Variants in GADL1 observed in about 807,000 individuals in gnomAD.
GADL1 encodes GAD like acidic amino acid decarboxylase 1.
A neutral mutation model predicts 69.5 loss-of-function variants in GADL1; 71 were observed. The ratio of observed to expected loss-of-function variants is 1.02; its 90% CI spans 0.84 to 1.25. GADL1 has a LOEUF of 1.25. GADL1 is among the 50% of genes most tolerant of loss of function. GADL1 has a pLI of 0.00. For missense variants in GADL1, 737 were observed against 631.8 expected (o/e 1.17, Z -1.79); for synonymous variants, 254 against 214.4 (o/e 1.18, Z -1.62).
intron 14 of GADL1, among the ~76,000 whole-genome samples, chr3:30,755,795 G>A (rs1695955128): frequency 6.7e-6 from 1 of 149,502 alleles, no homozygotes; most frequent in African/African-American, 2.5e-5. Context: ...GTTGTGATTA[G>A]AAAAAGATTT....
chr3:30,872,801 C>G (rs552348837), intron 1 of GADL1, among the ~76,000 whole-genome samples: 72 of 152,048 alleles, frequency 4.7e-4, no homozygotes, highest in African/African-American at 1.7e-3. Context: ...ATTCTGCACT[C>G]TGTGAAACTA....
intron 14 of GADL1, among the ~76,000 whole-genome samples, chr3:30,777,405 G>A (rs1696562497): frequency 6.6e-6 from 1 of 152,114 alleles, no homozygotes; most frequent in South Asian, 2.1e-4. Context: ...TAAGAACTTG[G>A]ACTCTACATG....
At chr3:30,795,795 G>T (rs1215637224) in intron 12 of GADL1, among the ~76,000 whole-genome samples, 1 of 152,088 alleles carries the variant, frequency 6.6e-6, no homozygotes, top group African/African-American at 2.4e-5. Flanking sequence ...CCTTGGCATT[G>T]GAGGTAGACT....
intron 11 of GADL1, among the ~76,000 whole-genome samples, chr3:30,820,002 T>A (rs1226013808): frequency 3.3e-5 from 5 of 151,960 alleles, no homozygotes; most frequent in Non-Finnish European, 7.4e-5. Context: ...ATGCCTGTTA[T>A]TGAAATTATT....
intron 9 of GADL1, among the ~76,000 whole-genome samples, chr3:30,837,339 A>G (rs576826034): frequency 6.6e-6 from 1 of 152,200 alleles, no homozygotes; most frequent in Admixed American, 6.5e-5. Context: ...CACAATACTA[A>G]AGGATGGGTA....
chr3:30,863,674 C>T (rs1698355174), intron 1 of GADL1, among the ~76,000 whole-genome samples: 1 of 151,746 alleles, frequency 6.6e-6, no homozygotes, highest in Non-Finnish European at 1.5e-5. Context: ...ACAGTATCTT[C>T]TATTTTAAAT....
chr3:30,801,224 G>C, intron 11 of GADL1, 136 bp from the exon 12 acceptor site: 1 of 652,724 alleles, frequency 1.5e-6, no homozygotes, highest in Admixed American at 2.5e-5. Context: ...CCTTACATCA[G>C]ACACAATCAG....
chr3:30,816,260 G>A (rs977267563), intron 11 of GADL1, among the ~76,000 whole-genome samples: 4 of 152,072 alleles, frequency 2.6e-5, no homozygotes, highest in Non-Finnish European at 4.4e-5. Flanking sequence ...GTTGAGGCTT[G>A]AGCCTCAACT....
chr3:30,775,309 CAG>C (rs563900044), intron 14 of GADL1, among the ~76,000 whole-genome samples: 4 of 152,322 alleles, frequency 2.6e-5, no homozygotes, highest in South Asian at 2.1e-4. Flanking sequence ...TAGTCTGAAT[CAG>C]AGGGGCAAAG....
At chr3:30,744,670 C>T (rs1394349909) in intron 14 of GADL1, among the ~76,000 whole-genome samples, 1 of 152,046 alleles carries the variant, frequency 6.6e-6, no homozygotes, top group African/African-American at 2.4e-5. Flanking sequence ...GCCATGATCA[C>T]ACCACCGCAC....
chr3:30,878,446 T>C (rs1347884589), intron 1 of GADL1, among the ~76,000 whole-genome samples: 2 of 151,906 alleles, frequency 1.3e-5, no homozygotes, highest in Non-Finnish European at 2.9e-5. Context: ...AGAAATGCAA[T>C]TTTAACTGAA....
intron 12 of GADL1, among the ~76,000 whole-genome samples, chr3:30,792,481 G>A (rs1464626931): frequency 6.6e-6 from 1 of 152,150 alleles, no homozygotes; most frequent in African/African-American, 2.4e-5. Context: ...GCTGAGGTAG[G>A]AAGGAGGATC....
intron 9 of GADL1, 83 bp downstream of exon 9, chr3:30,838,914 A>C: frequency 1.3e-6 from 1 of 757,696 alleles, no homozygotes; most frequent in Non-Finnish European, 2.2e-6. Context: ...CTCCACATCT[A>C]GTTTCTGAGA....
intron 14 of GADL1, among the ~76,000 whole-genome samples, chr3:30,763,280 C>G (rs930168488): frequency 6.6e-6 from 1 of 152,062 alleles, no homozygotes. Context: ...TGGTGGATCA[C>G]AAGGTCAGGA....
At chr3:30,853,022 A>C (rs923999735) in intron 4 of GADL1, among the ~76,000 whole-genome samples, 5 of 152,128 alleles carry the variant, frequency 3.3e-5, no homozygotes, top group African/African-American at 1.2e-4. Flanking sequence ...TTAGGCTCTT[A>C]GTTGAATATT....
rs373249767 is a variant in GADL1, at chr3:30,839,158, A to T, written c.787-45T>A. 8.6e-6 allele frequency: 11 copies of T among 1,275,948 alleles called. No homozygotes were observed. In the Admixed American group the frequency reaches 9.9e-5, roughly 12 times the overall value. 79.0% of individuals were successfully genotyped at this position (1,275,948 alleles called of 1,614,324 possible). ...ACACAAAATTATCACTGTCATCACT[A>T]AATTTGTCCTGTAATAGCTGGAAAA... On this transcript the variant is annotated intron_variant, in intron 8 of 14. Transcript: ENST00000282538.
At chr3:30,852,649 A>G (rs973217091) in intron 4 of GADL1, among the ~76,000 whole-genome samples, 1 of 152,176 alleles carries the variant, frequency 6.6e-6, no homozygotes, top group Middle Eastern at 3.4e-3. Context: ...ATAATAAAAA[A>G]AAAAAGTATT....
intron 11 of GADL1, among the ~76,000 whole-genome samples, chr3:30,807,812 A>G (rs1176838701): frequency 6.6e-6 from 1 of 152,056 alleles, no homozygotes; most frequent in African/African-American, 2.4e-5. Flanking sequence ...CGGGCAGATC[A>G]CTGGAGGTCA....
At chr3:30,744,721 A>G (rs1559484938) in intron 14 of GADL1, among the ~76,000 whole-genome samples, 2 of 152,178 alleles carry the variant, frequency 1.3e-5, no homozygotes, top group African/African-American at 4.8e-5. Flanking sequence ...CTCCAAAAAG[A>G]AAAGAAAAAG....
Sources: gnomAD v4.1 joint callset for allele counts (sites outside exome capture counted in the v4.1 genomes callset) on GRCh38, gnomAD v4.1.1 for gene constraint, MANE v1.5 for transcripts, NCBI Gene and HGNC (gene_info 2026-07-23, HGNC 2026-07-21) for gene names.